Variants in MTMR9 observed in about 807,000 individuals in gnomAD.
The protein encoded by MTMR9 is myotubularin-related protein 9.
In MTMR9, 39 loss-of-function variants were observed where a neutral mutation model predicts 69.5. That is an observed-to-expected ratio of 0.56 (90% confidence interval 0.43 to 0.73). The LOEUF is 0.73. MTMR9 is among the 30% of genes least tolerant of loss of function. The probability of loss-of-function intolerance (pLI) is 0.00; values close to 1 mark genes in which losing one functional copy is unlikely to be tolerated. For missense variants in MTMR9, 900 were observed against 671.2 expected, an observed-to-expected ratio of 1.34 and a Z score of -3.77; for synonymous variants, 354 against 240.8, an observed-to-expected ratio of 1.47 and a Z score of -4.35.
At chr8:11,321,472 A>AT (rs1585137263) in intron 9 of MTMR9, 1 of 456,480 alleles carries the variant, frequency 2.2e-6, no homozygotes, top group African/African-American at 2.0e-5. Context: ...CTGAAGGATG[A>AT]TTTAATTGCT....
intron 9 of MTMR9, among the ~76,000 whole-genome samples, chr8:11,322,181 T>A (rs969733549): frequency 2.0e-5 from 3 of 152,238 alleles, no homozygotes; most frequent in African/African-American, 7.2e-5. Flanking sequence ...GTTCTGCTTT[T>A]ACTGTAGTTG....
the MTMR9 span, among the ~76,000 whole-genome samples, chr8:11,336,499 T>G: frequency 3.9e-5 from 6 of 152,240 alleles, no homozygotes; most frequent in Non-Finnish European, 8.8e-5. Flanking sequence ...GTATTTAAAA[T>G]ACTTCTTTAG....
At chr8:11,305,928 A>C (rs1330341986) in intron 4 of MTMR9, among the ~76,000 whole-genome samples, 1 of 152,212 alleles carries the variant, frequency 6.6e-6, no homozygotes, top group Non-Finnish European at 1.5e-5. Context: ...ATGAATTGCA[A>C]TATTTGATCT....
intron 2 of MTMR9, among the ~76,000 whole-genome samples, chr8:11,299,556 C>G (rs968994806): frequency 1.3e-5 from 2 of 152,156 alleles, no homozygotes. Flanking sequence ...GACTGTAGAC[C>G]TCTAGGCTGT....
rs1465418173 is a variant in MTMR9, at chr8:11,327,205, T to G, written c.*4417T>G. On this transcript the variant is annotated 3_prime_UTR_variant, in exon 10 of 10. Coordinates refer to ENST00000221086, the MANE Select transcript of MTMR9 (RefSeq NM_015458.4). ...GACTGGATATTAAAATGCCTGAACC[T>G]GTTATCTAAATCCTTTTTAAGAAAC... 6.6e-6 allele frequency: 1 copy of G among 152,214 alleles called. No individual in the cohort carries two copies. Among genetic ancestry groups the G allele is most frequent in the Non-Finnish European group, 1.5e-5 (1 of 68,024 alleles). 9.4% of individuals were successfully genotyped at this position (152,214 alleles called of 1,614,324 possible).
chr8:11,296,261 T>A (rs1799556457), intron 2 of MTMR9, among the ~76,000 whole-genome samples: 1 of 152,206 alleles, frequency 6.6e-6, no homozygotes, highest in South Asian at 2.1e-4. Context: ...ATAGTACCTA[T>A]CTTTTAGGGC....
intron 1 of MTMR9, among the ~76,000 whole-genome samples, chr8:11,291,850 C>A (rs1380238304): frequency 2.0e-5 from 3 of 151,912 alleles, no homozygotes; most frequent in Non-Finnish European, 2.9e-5. Flanking sequence ...TCTTTCACTT[C>A]CAGCTGAAGC....
At chr8:11,336,235 C>T in the MTMR9 span, among the ~76,000 whole-genome samples, 26 of 152,274 alleles carry the variant, frequency 1.7e-4, no homozygotes, top group African/African-American at 6.0e-4. Flanking sequence ...ATTGGTCTTG[C>T]CCAGAGGAAG....
chr8:11,306,684 T>C (rs748522042), intron 5 of MTMR9, among the ~76,000 whole-genome samples: 6 of 152,102 alleles, frequency 3.9e-5, no homozygotes, highest in Admixed American at 3.3e-4. Flanking sequence ...CGCATAGTTA[T>C]CATTTTTTTG....
chr8:11,315,074 G>A lies in MTMR9; in HGVS notation c.1113+10G>A. 6.2e-7 allele frequency: 1 copy of A among 1,611,016 alleles called. No individual in the cohort carries two copies. Among genetic ancestry groups the A allele is most frequent in the Non-Finnish European group, 8.5e-7 (1 of 1,177,566 alleles). On this transcript the variant is annotated intron_variant, in intron 7 of 9. Transcript: ENST00000221086. ...AAGAGAGTGGCTGCAGGTGAGAAGA[G>A]CTGTTTGATTCACAGAGGAACTGCT...
At position 11,325,656 on chromosome 8, in the gene MTMR9, ACTT is replaced by A. The variant is rs1449032844; in HGVS notation, c.*2869_*2871del. On this transcript the variant is annotated 3_prime_UTR_variant, in exon 10 of 10. Coordinates refer to ENST00000221086, the MANE Select transcript of MTMR9 (RefSeq NM_015458.4). Reference sequence around the variant, plus strand: ...TAAGGATCCTCAGATTTAAATAAGTACTTTTTTTTTTTTTAATCAGAAGAACAT... The same window carrying A: ...TAAGGATCCTCAGATTTAAATAAGTATTTTTTTTTTTAATCAGAAGAACAT... The A allele has an allele frequency of 8.1e-6, 1 of 124,212 alleles. No homozygotes were observed. Among genetic ancestry groups the A allele is most frequent in the Non-Finnish European group, 1.9e-5 (1 of 54,048 alleles). 7.7% of individuals were successfully genotyped at this position (124,212 alleles called of 1,614,324 possible).
Position 11,322,843 on chromosome 8 carries a change from C to G in MTMR9, c.*55C>G, listed in dbSNP as rs927217019. The G allele has an allele frequency of 6.6e-7, 1 of 1,526,534 alleles. No individual in the cohort carries two copies. The highest frequency in any genetic ancestry group is 1.2e-5 in the South Asian group (1 of 80,896). The allele number at this position is 1,526,534 out of a possible 1,614,324, so 94.6% of individuals were successfully genotyped here. ...TTCTTGGGCCTGTGTCCGCCGTTCT[C>G]TCCTTGTGCCCTTCAGTTCACTTTT... On this transcript the variant is annotated 3_prime_UTR_variant, in exon 10 of 10. Transcript: ENST00000221086.
intron 2 of MTMR9, among the ~76,000 whole-genome samples, chr8:11,297,369 G>C (rs1331100704): frequency 2.6e-5 from 4 of 152,202 alleles, no homozygotes; most frequent in African/African-American, 9.6e-5. Flanking sequence ...TCTGTCATTT[G>C]GAAGTAATGC....
intron 5 of MTMR9, among the ~76,000 whole-genome samples, chr8:11,307,415 A>G (rs1279940390): frequency 2.0e-5 from 3 of 152,100 alleles, no homozygotes; most frequent in African/African-American, 7.2e-5. Flanking sequence ...TGTGTATTGT[A>G]CCACATTTTC....
rs1432034428 is a variant in MTMR9, at chr8:11,306,080, G to C, written c.592-110G>C. ...TGTTTATGGATCAAATCCATCTGCAGAGTGTCACACAATTGTTTTTGAGAT... is the reference window on the plus strand; with the variant it reads ...TGTTTATGGATCAAATCCATCTGCACAGTGTCACACAATTGTTTTTGAGAT... On this transcript the variant is annotated intron_variant, in intron 4 of 9. Coordinates refer to ENST00000221086, the MANE Select transcript of MTMR9 (RefSeq NM_015458.4). 6.0e-6 allele frequency: 5 copies of C among 829,934 alleles called. No homozygotes were observed. In the East Asian group the frequency reaches 1.3e-4, roughly 22 times the overall value. 51.4% of individuals were successfully genotyped at this position (829,934 alleles called of 1,614,324 possible). A position where few individuals can be genotyped will look rare whatever the true frequency, so the allele number is the denominator to read the frequency against.
downstream of MTMR9, among the ~76,000 whole-genome samples, chr8:11,328,605 A>T (rs1173128992): frequency 6.6e-6 from 1 of 152,222 alleles, no homozygotes; most frequent in African/African-American, 2.4e-5. Context: ...AAAAGCCACT[A>T]TTTGGCATAT....
chr8:11,292,484 C>T (rs1330560561), intron 1 of MTMR9, among the ~76,000 whole-genome samples: 1 of 152,150 alleles, frequency 6.6e-6, no homozygotes, highest in Non-Finnish European at 1.5e-5. Flanking sequence ...CTATTTCCTC[C>T]ACATTCTTGT....
chr8:11,291,585 A>T (rs1257870140), intron 1 of MTMR9, among the ~76,000 whole-genome samples: 1 of 152,102 alleles, frequency 6.6e-6, no homozygotes, highest in African/African-American at 2.4e-5. Flanking sequence ...AGAAACATTG[A>T]ATAAATGAAT....
At chr8:11,335,666 G>A in the MTMR9 span, among the ~76,000 whole-genome samples, 2 of 152,162 alleles carry the variant, frequency 1.3e-5, no homozygotes, top group African/African-American at 4.8e-5. Context: ...ATAAAGCCAC[G>A]TTAATCAAGA....
Sources: gnomAD v4.1 joint callset for allele counts (sites outside exome capture counted in the v4.1 genomes callset) on GRCh38, gnomAD v4.1.1 for gene constraint, MANE v1.5 for transcripts, NCBI Gene and HGNC (gene_info 2026-07-23, HGNC 2026-07-21) for gene names.